RAB3GAP2: variants seen among roughly 807,000 people sequenced by gnomAD.
RAB3GAP2 encodes the protein rab3 GTPase-activating protein non-catalytic subunit.
A neutral mutation model predicts 185.3 loss-of-function variants in RAB3GAP2; 87 were observed. The ratio of observed to expected loss-of-function variants is 0.47; its 90% CI spans 0.39 to 0.56. The LOEUF (loss-of-function observed/expected upper bound fraction) is 0.56, where lower values mean the gene tolerates loss of function less well. Among genes scored for constraint, RAB3GAP2 ranks in the 20% least tolerant of loss-of-function variants. The probability of loss-of-function intolerance (pLI) is 0.00; values close to 1 mark genes in which losing one functional copy is unlikely to be tolerated. For missense variants in RAB3GAP2, 1,492 were observed against 1,638.2 expected, an observed-to-expected ratio of 0.91 and a Z score of 1.54; for synonymous variants, 554 against 576.1, an observed-to-expected ratio of 0.96 and a Z score of 0.55.
chr1:220,264,832 C>T (rs142120823), intron 1 of RAB3GAP2, among the ~76,000 whole-genome samples: 1 of 152,132 alleles, frequency 6.6e-6, no homozygotes, highest in Non-Finnish European at 1.5e-5. Flanking sequence ...CTCCTTCATT[C>T]TCTCCCATCA....
chr1:220,151,630 TGTGG>T lies in RAB3GAP2; in HGVS notation c.3998_4001del (p.Pro1333HisfsTer6). On this transcript the variant is annotated frameshift_variant, in exon 34 of 35. Coordinates refer to ENST00000358951, the MANE Select transcript of RAB3GAP2 (RefSeq NM_012414.4). LOFTEE classifies it high-confidence loss of function. ...CCATTGCTTTCAGCCAAGTACACAGTGTGGGTGGAAGTCTGGCAAGCAGCTCCAT... is the reference window on the plus strand; with the variant it reads ...CCATTGCTTTCAGCCAAGTACACAGTGTGGAAGTCTGGCAAGCAGCTCCAT... 3 of 1,612,196 alleles carry T rather than the reference TGTGG, an allele frequency of 1.9e-6. No homozygotes were observed. The highest frequency in any genetic ancestry group is 2.5e-6 in the Non-Finnish European group (3 of 1,178,206).
At chr1:220,183,437 G>A (rs961170635) in intron 19 of RAB3GAP2, among the ~76,000 whole-genome samples, 1 of 151,346 alleles carries the variant, frequency 6.6e-6, no homozygotes, top group Non-Finnish European at 1.5e-5. Context: ...TTTTTTTGTA[G>A]AGGCAGGGTC....
intron 9 of RAB3GAP2, among the ~76,000 whole-genome samples, chr1:220,197,335 A>G (rs1658749091): frequency 6.7e-6 from 1 of 148,722 alleles, no homozygotes; most frequent in South Asian, 2.2e-4. Flanking sequence ...TTTCATATAC[A>G]TATATTTCAG....
intron 18 of RAB3GAP2, among the ~76,000 whole-genome samples, chr1:220,184,694 T>A (rs1658477059): frequency 6.6e-6 from 1 of 152,104 alleles, no homozygotes; most frequent in African/African-American, 2.4e-5. Flanking sequence ...GATGATTTTA[T>A]GGAATTCCAA....
chr1:220,210,547 G>T (rs1395682816), intron 6 of RAB3GAP2, 58 bp from the exon 7 acceptor site: 3 of 1,324,306 alleles, frequency 2.3e-6, no homozygotes, highest in African/African-American at 1.4e-5. Context: ...ACCTTAGCAG[G>T]TATGGCCAGG....
intron 1 of RAB3GAP2, chr1:220,267,251 G>GA: frequency 1.1e-6 from 1 of 918,714 alleles, no homozygotes; most frequent in Non-Finnish European, 1.8e-6. Context: ...GAAAGTTTCT[G>GA]AAGTTCTGTA....
intron 1 of RAB3GAP2, among the ~76,000 whole-genome samples, chr1:220,240,388 TC>T (rs1249426839): frequency 6.6e-6 from 1 of 152,246 alleles, no homozygotes; most frequent in African/African-American, 2.4e-5. Context: ...AAATCTTTAA[TC>T]TTTTTTTTCC....
chr1:220,226,434 A>G (rs1274443268), intron 2 of RAB3GAP2, among the ~76,000 whole-genome samples: 1 of 148,710 alleles, frequency 6.7e-6, no homozygotes, highest in African/African-American at 2.5e-5. Context: ...AATACTCTTA[A>G]AAAAAAAAAA....
intron 4 of RAB3GAP2, chr1:220,211,302 A>G (rs1277836414): frequency 1.8e-6 from 1 of 543,694 alleles, no homozygotes; most frequent in African/African-American, 1.9e-5. Flanking sequence ...CTGACTGTAT[A>G]CACAACTGAG....
At position 220,182,705 on chromosome 1, in the gene RAB3GAP2, T is replaced by A; in HGVS notation, c.2212+13A>T. On this transcript the variant is annotated intron_variant, in intron 20 of 34. Transcript: ENST00000358951. ...GAAGAGGCATACAAAGACCAGTGTATTATTTTACCTACCTAAAGCCACATA... is the reference window on the plus strand; with the variant it reads ...GAAGAGGCATACAAAGACCAGTGTAATATTTTACCTACCTAAAGCCACATA... 6.4e-7 allele frequency: 1 copy of A among 1,552,600 alleles called. No homozygotes were observed. The highest frequency in any genetic ancestry group is 1.4e-5 in the African/African-American group (1 of 73,100).
In RAB3GAP2 at chr1:220,219,283, G is replaced by C. The variant is rs559359585; in HGVS notation, c.181-5304C>G. 4.8e-5 allele frequency among the ~76,000 whole-genome samples: 7 copies of C among 145,160 alleles called. No homozygotes were observed. In the East Asian group the frequency reaches 1.4e-3, roughly 28 times the overall value. ...TAATCCTCTTGAAGCCAACTGACAG[G>C]ATGATTCAATCTTAACAGAAACAGA... On this transcript the variant is annotated intron_variant, in intron 2 of 34. Coordinates refer to ENST00000358951, the MANE Select transcript of RAB3GAP2 (RefSeq NM_012414.4).
intron 4 of RAB3GAP2, chr1:220,211,310 G>C (rs571193591): frequency 1.9e-6 from 1 of 533,198 alleles, no homozygotes; most frequent in African/African-American, 1.9e-5. Flanking sequence ...ATACACAACT[G>C]AGCAAAGCTC....
At chr1:220,172,786 G>C in intron 21 of RAB3GAP2, 44 bp from the exon 22 acceptor site, 1 of 1,346,602 alleles carries the variant, frequency 7.4e-7, no homozygotes. Context: ...AAAAAATTTA[G>C]CATAGACAAA....
chr1:220,189,718 A>G lies in RAB3GAP2; in HGVS notation c.1764T>C (p.Pro588=). The G allele has an allele frequency of 6.4e-7, 1 of 1,559,680 alleles. No individual in the cohort carries two copies. The highest frequency in any genetic ancestry group is 8.8e-7 in the Non-Finnish European group (1 of 1,139,660). ...ATACACTTACTTGTTTTTTGGTTGC[A>G]GGGTATTTAATATCAAGAATTAATT... is the stretch of plus-strand genomic sequence containing the variant. ...IKELILDIKY[P]ATKKQALESI... is the part of the protein sequence containing the mutation. Residue 588 remains proline (P), a synonymous_variant, in exon 17 of 35, where the codon CCT becomes CCC. Coordinates refer to ENST00000358951, the MANE Select transcript of RAB3GAP2 (RefSeq NM_012414.4).
chr1:220,148,538 A>C lies in RAB3GAP2; in HGVS notation c.*2713T>G, dbSNP rs989255983. On this transcript the variant is annotated 3_prime_UTR_variant, in exon 35 of 35. Transcript: ENST00000358951. ...GTGAGAGAGGGCTTTTGCTGTTGCT[A>C]TAGTGTACTGTAAAAATATTTGTTC... 1.3e-5 allele frequency: 2 copies of C among 152,172 alleles called. No individual in the cohort carries two copies. The highest frequency in any genetic ancestry group is 4.8e-5 in the African/African-American group (2 of 41,446). 9.4% of individuals were successfully genotyped at this position (152,172 alleles called of 1,614,324 possible). A position where few individuals can be genotyped will look rare whatever the true frequency, so the allele number is the denominator to read the frequency against.
Position 220,171,134 on chromosome 1 carries a change from C to T in RAB3GAP2, c.2578-14G>A, listed in dbSNP as rs1355148926. On this transcript the variant is annotated splice_polypyrimidine_tract_variant and intron_variant, in intron 23 of 34. Coordinates refer to ENST00000358951, the MANE Select transcript of RAB3GAP2 (RefSeq NM_012414.4). ...TGTTTGGGAAAACTAATAAAAAATG[C>T]ACTGGTGATTCTTTGCCAAAGATTC... 1 of 1,606,640 alleles carries T rather than the reference C, an allele frequency of 6.2e-7. No homozygotes were observed. The highest frequency in any genetic ancestry group is 8.5e-7 in the Non-Finnish European group (1 of 1,173,444).
In RAB3GAP2 at chr1:220,151,588, T is replaced by C. The variant is rs1448167188; in HGVS notation, c.4026+18A>G. ...ACATCCAATGACCTTTTGCCTGATC[T>C]CGTTCTATTGTACTGACCATTGCTT... On this transcript the variant is annotated intron_variant, in intron 34 of 34. Coordinates refer to ENST00000358951, the MANE Select transcript of RAB3GAP2 (RefSeq NM_012414.4). 6.2e-7 allele frequency: 1 copy of C among 1,603,802 alleles called. No homozygotes were observed. Among genetic ancestry groups the C allele is most frequent in the African/African-American group, 1.3e-5 (1 of 74,820 alleles).
chr1:220,247,605 T>G (rs1203872497), intron 1 of RAB3GAP2, among the ~76,000 whole-genome samples: 1 of 150,892 alleles, frequency 6.6e-6, no homozygotes. Flanking sequence ...TGAGGGGAGG[T>G]TGGGAGGGAG....
At chr1:220,226,635 T>C (rs1174687589) in intron 2 of RAB3GAP2, among the ~76,000 whole-genome samples, 4 of 152,302 alleles carry the variant, frequency 2.6e-5, no homozygotes, top group Admixed American at 2.0e-4. Context: ...CAATCCATTT[T>C]AAAAGTTTGT....
Sources: allele counts gnomAD v4.1 joint callset (sites outside exome capture counted in the v4.1 genomes callset), GRCh38; gene constraint gnomAD v4.1.1; transcripts MANE v1.5; gene names NCBI Gene and HGNC (gene_info 2026-07-23, HGNC 2026-07-21).